The following SPMIP2 variants were observed in gnomAD, a reference collection of about 807,000 sequenced individuals.
SPMIP2 encodes the protein protein SPMIP2.
chr4:159,063,783 A>T, the SPMIP2 span, among the ~76,000 whole-genome samples: 1 of 152,194 alleles, frequency 6.6e-6, no homozygotes, highest in Non-Finnish European at 1.5e-5. Flanking sequence ...GAATAGTAAG[A>T]CGAACAGAGA....
At chr4:159,034,411 T>A in the SPMIP2 span, among the ~76,000 whole-genome samples, 1 of 152,220 alleles carries the variant, frequency 6.6e-6, no homozygotes, top group African/African-American at 2.4e-5. Flanking sequence ...CGATGAAAAG[T>A]ATGTTTTTTA....
chr4:158,916,762 T>C, the SPMIP2 span, among the ~76,000 whole-genome samples: 1 of 152,072 alleles, frequency 6.6e-6, no homozygotes, highest in Non-Finnish European at 1.5e-5. Context: ...TCCTGCCTCA[T>C]CCTCCCAAGT....
the SPMIP2 span, among the ~76,000 whole-genome samples, chr4:159,020,019 C>T: frequency 6.6e-6 from 1 of 151,952 alleles, no homozygotes; most frequent in Non-Finnish European, 1.5e-5. Context: ...ACTCAGGAGG[C>T]TGAGGCAGGA....
At chr4:159,033,334 AT>A in the SPMIP2 span, among the ~76,000 whole-genome samples, 1 of 152,088 alleles carries the variant, frequency 6.6e-6, no homozygotes, top group Non-Finnish European at 1.5e-5. Flanking sequence ...AGCACAAGAG[AT>A]TTTTTAAGTG....
chr4:158,987,225 A>C, the SPMIP2 span, among the ~76,000 whole-genome samples: 17 of 149,216 alleles, frequency 1.1e-4, no homozygotes, highest in African/African-American at 3.9e-4. Flanking sequence ...TCAGTGTGGC[A>C]ATTCCTCAGG....
chr4:158,953,469 C>A, the SPMIP2 span, among the ~76,000 whole-genome samples: 1 of 152,226 alleles, frequency 6.6e-6, no homozygotes, highest in Non-Finnish European at 1.5e-5. Context: ...CAGAAGTTTT[C>A]TGCAGGGGTG....
At chr4:158,988,173 C>G in the SPMIP2 span, among the ~76,000 whole-genome samples, 7 of 152,000 alleles carry the variant, frequency 4.6e-5, no homozygotes, top group Admixed American at 1.3e-4. Context: ...GCACATACAC[C>G]CTCCCAAGTC....
chr4:159,016,124 G>C, the SPMIP2 span, among the ~76,000 whole-genome samples: 2 of 152,160 alleles, frequency 1.3e-5, no homozygotes, highest in Admixed American at 1.3e-4. Flanking sequence ...AAAAATACCA[G>C]TATACAATCA....
At chr4:158,947,049 C>G in the SPMIP2 span, among the ~76,000 whole-genome samples, 50,862 of 151,986 alleles carry the variant, frequency 0.33, 8,889 homozygotes, top group African/African-American at 0.41. Context: ...TGAAGGAGAG[C>G]TGAGGGAGGG....
the SPMIP2 span, among the ~76,000 whole-genome samples, chr4:159,003,143 G>A: frequency 0.056 from 8,503 of 151,952 alleles, 321 homozygotes; most frequent in Non-Finnish European, 0.09. Context: ...TGTGTAATTC[G>A]CCCTGTGACC....
chr4:159,053,527 A>AG, the SPMIP2 span, among the ~76,000 whole-genome samples: 1 of 151,888 alleles, frequency 6.6e-6, no homozygotes. Flanking sequence ...GTGCCTTCCT[A>AG]TTTTAGGTCT....
At chr4:159,012,055 C>CA in the SPMIP2 span, among the ~76,000 whole-genome samples, 14 of 137,552 alleles carry the variant, frequency 1.0e-4, no homozygotes, top group African/African-American at 3.7e-4. Flanking sequence ...GACTCTGTCT[C>CA]AAAAAAAAAA....
the SPMIP2 span, among the ~76,000 whole-genome samples, chr4:159,038,126 T>G: frequency 6.6e-6 from 1 of 152,186 alleles, no homozygotes; most frequent in Non-Finnish European, 1.5e-5. Context: ...TGCATACATC[T>G]TATATTTTTT....
At chr4:158,979,924 C>G in the SPMIP2 span, among the ~76,000 whole-genome samples, 1 of 151,746 alleles carries the variant, frequency 6.6e-6, no homozygotes, top group Non-Finnish European at 1.5e-5. Context: ...CCCCTCCCCA[C>G]AGAACCCAGC....
chr4:159,046,037 C>G, the SPMIP2 span, among the ~76,000 whole-genome samples: 1 of 152,106 alleles, frequency 6.6e-6, no homozygotes, highest in Admixed American at 6.6e-5. Flanking sequence ...ATCACTTGAG[C>G]TCAGAAGTTC....
At chr4:158,914,961 T>G in the SPMIP2 span, among the ~76,000 whole-genome samples, 1 of 152,208 alleles carries the variant, frequency 6.6e-6, no homozygotes. Context: ...AACCTCTTGT[T>G]TTCTTTAACT....
At chr4:159,003,542 T>C in the SPMIP2 span, among the ~76,000 whole-genome samples, 1 of 152,230 alleles carries the variant, frequency 6.6e-6, no homozygotes, top group Non-Finnish European at 1.5e-5. Flanking sequence ...CTGTATCTTC[T>C]ACTATGCTAA....
the SPMIP2 span, among the ~76,000 whole-genome samples, chr4:158,987,596 A>C: frequency 3.3e-5 from 5 of 152,054 alleles, no homozygotes; most frequent in African/African-American, 1.2e-4. Context: ...ACATGGACAC[A>C]GAAAGGGGAA....
chr4:158,979,539 G>A, the SPMIP2 span, among the ~76,000 whole-genome samples: 1 of 152,210 alleles, frequency 6.6e-6, no homozygotes, highest in Admixed American at 6.5e-5. Flanking sequence ...TCATCTCACT[G>A]GAACTGGTTA....
Sources: allele counts gnomAD v4.1 joint callset (sites outside exome capture counted in the v4.1 genomes callset), GRCh38; gene constraint gnomAD v4.1.1; transcripts MANE v1.5; gene names NCBI Gene and HGNC (gene_info 2026-07-23, HGNC 2026-07-21).